Variants in ADAMTS16 observed in about 807,000 individuals in gnomAD.
ADAMTS16 encodes ADAM metallopeptidase with thrombospondin type 1 motif 16.
ADAMTS16 carries 94 observed loss-of-function variants against 145.8 expected under a neutral mutation model. The observed-to-expected ratio is 0.64, with a 90% CI of 0.55 to 0.77. The LOEUF is 0.77. Ranked by LOEUF, ADAMTS16 falls within the 30% of genes least tolerant of loss-of-function variation. The pLI, the probability that ADAMTS16 is intolerant of heterozygous loss-of-function variation, is 0.00. For missense variants in ADAMTS16, 1,585 were observed against 1,591.5 expected (o/e 1.00, Z 0.07); for synonymous variants, 659 against 604.3 (o/e 1.09, Z -1.33).
At chr5:5,181,858 T>C (rs901402737) in intron 3 of ADAMTS16, among the ~76,000 whole-genome samples, 186 bp from the exon 4 acceptor site, 15 of 152,174 alleles carry the variant, frequency 9.9e-5, no homozygotes, top group Non-Finnish European at 1.9e-4. Context: ...GCTCAGACTG[T>C]GTGTGGAGGC....
chr5:5,205,858 G>T (rs1038910573), intron 9 of ADAMTS16, among the ~76,000 whole-genome samples: 2 of 152,022 alleles, frequency 1.3e-5, no homozygotes, highest in Non-Finnish European at 2.9e-5. Flanking sequence ...CCCTTTATTG[G>T]CTATGTCTTT....
chr5:5,228,487 GAAGT>G (rs1302429956), intron 11 of ADAMTS16, among the ~76,000 whole-genome samples: 2 of 152,180 alleles, frequency 1.3e-5, no homozygotes, highest in African/African-American at 4.8e-5. Flanking sequence ...AAGAACTAAT[GAAGT>G]ATTTTTTCTT....
rs1395533455 is a variant in ADAMTS16 at position 5,314,139 on chromosome 5, A to T, written c.3412-3995A>T. ...ATCCCATCCTGAAATGAGCATGGAC[A>T]TTTGGTCCTGGAATAGTGGAAAGTT... On this transcript the variant is annotated intron_variant, in intron 21 of 22. Transcript: ENST00000274181. Among the ~76,000 whole-genome samples, 4 of 152,154 alleles carry T rather than the reference A, an allele frequency of 2.6e-5. No homozygotes were observed. In the East Asian group the frequency reaches 5.8e-4, roughly 22 times the overall value.
chr5:5,261,607 C>G (rs1738032110), intron 17 of ADAMTS16, among the ~76,000 whole-genome samples: 1 of 151,740 alleles, frequency 6.6e-6, no homozygotes, highest in Admixed American at 6.6e-5. Context: ...CTGCCTCAGC[C>G]TCCTGATAGC....
rs1560979050 is a variant in ADAMTS16, at chr5:5,269,289, T to A, written c.2789+6506T>A. ...TCACCCTCGCTCCCCTATACTACCC[T>A]GGTCACCTCAGCCTGGATACCCCCA... On this transcript the variant is annotated intron_variant, in intron 18 of 22. Transcript: ENST00000274181. This position sits in a 1 kb window ranked among gnomAD's most constrained non-coding sequence, Gnocchi z 4.3. Among the ~76,000 whole-genome samples the A allele has an allele frequency of 6.6e-6, 1 of 151,948 alleles. No individual in the cohort carries two copies. The highest frequency in any genetic ancestry group is 1.5e-5 in the Non-Finnish European group (1 of 67,988).
chr5:5,244,004 TA>T (rs1416570388), intron 17 of ADAMTS16, among the ~76,000 whole-genome samples: 26 of 152,244 alleles, frequency 1.7e-4, no homozygotes, highest in African/African-American at 6.3e-4. Flanking sequence ...TGTTTGTTTT[TA>T]ATTTCAGTGG....
At position 5,234,898 on chromosome 5, in the gene ADAMTS16, T is replaced by C. The variant is rs538076194; in HGVS notation, c.1851-116T>C. ...AAAAAAAAAAAAAAAAGAATCCACT[T>C]TTTTCCTAATTACCCATTCTAACAC... On this transcript the variant is annotated intron_variant, in intron 12 of 22. Transcript: ENST00000274181. The C allele has an allele frequency of 8.1e-5, 55 of 681,960 alleles. 1 individual carries two copies. The South Asian group carries it at 2.4e-3, about 29-fold the overall frequency. The allele number at this position is 681,960 out of a possible 1,614,324, so 42.2% of individuals were successfully genotyped here.
rs78911028 is a variant in ADAMTS16, at chr5:5,307,968, C to A, written c.3411+1240C>A. On this transcript the variant is annotated intron_variant, in intron 21 of 22. Transcript: ENST00000274181. ...CAGCAGAACAAAGACCCGGTCGAAG[C>A]CTATTGTCATGGGGGCTGAATGCTG... 3.9e-5 allele frequency among the ~76,000 whole-genome samples: 6 copies of A among 152,332 alleles called. 1 individual carries two copies. In the East Asian group the frequency reaches 1.2e-3, roughly 29 times the overall value.
chr5:5,172,337 G>C (rs1359603308), intron 3 of ADAMTS16, among the ~76,000 whole-genome samples: 1 of 151,714 alleles, frequency 6.6e-6, no homozygotes. Flanking sequence ...GCACCATTAG[G>C]TTGTTTATTA....
rs928389329 is a variant in ADAMTS16, at chr5:5,317,920, C to T, written c.3412-214C>T. 3.3e-5 allele frequency among the ~76,000 whole-genome samples: 5 copies of T among 152,234 alleles called. No individual in the cohort carries two copies. The highest frequency in any genetic ancestry group is 7.2e-5 in the African/African-American group (3 of 41,468). ...ATGCTCTGCTAGAGGCCTGGCCCAG[C>T]ACATGCCTGGTGCTTGCTTCTGGAA... is the stretch of plus-strand genomic sequence containing the variant. On this transcript the variant is annotated intron_variant, in intron 21 of 22. Transcript: ENST00000274181. The surrounding 1 kb of genome is among the most constrained non-coding windows in gnomAD (Gnocchi z 4.5).
chr5:5,240,148 G>A (rs887956021), intron 16 of ADAMTS16, among the ~76,000 whole-genome samples: 1 of 152,192 alleles, frequency 6.6e-6, no homozygotes, highest in Non-Finnish European at 1.5e-5. Context: ...CCCATTTGGG[G>A]GTTTTAGCAG....
At chr5:5,173,154 GT>G (rs141650668) in intron 3 of ADAMTS16, among the ~76,000 whole-genome samples, 1,642 of 146,900 alleles carry the variant, frequency 0.011, 35 homozygotes, top group African/African-American at 0.039. Context: ...GAAATTACTT[GT>G]AGGCAACAGA....
At chr5:5,167,344 G>A (rs1272960572) in intron 3 of ADAMTS16, among the ~76,000 whole-genome samples, 1 of 152,160 alleles carries the variant, frequency 6.6e-6, no homozygotes, top group African/African-American at 2.4e-5. Context: ...TCCACGGTAT[G>A]GAATGAGATT....
At chr5:5,143,433 C>A (rs766918895) in intron 2 of ADAMTS16, among the ~76,000 whole-genome samples, 4 of 152,092 alleles carry the variant, frequency 2.6e-5, no homozygotes, top group African/African-American at 9.7e-5. Context: ...AACGAGATAC[C>A]ATCTCACGCC....
intron 10 of ADAMTS16, among the ~76,000 whole-genome samples, chr5:5,215,164 A>G (rs1172303031): frequency 6.6e-6 from 1 of 152,216 alleles, no homozygotes; most frequent in East Asian, 1.9e-4. Context: ...ATGTGAATGT[A>G]TATTTGATGT....
intron 11 of ADAMTS16, among the ~76,000 whole-genome samples, chr5:5,227,308 G>A (rs1189681476): frequency 2.6e-5 from 4 of 152,190 alleles, no homozygotes; most frequent in African/African-American, 4.8e-5. Context: ...ACTGTGTTGC[G>A]GCATCTTACT....
chr5:5,169,286 T>C (rs1048812277), intron 3 of ADAMTS16, among the ~76,000 whole-genome samples: 8 of 152,224 alleles, frequency 5.3e-5, no homozygotes, highest in Admixed American at 6.5e-5. Context: ...TACTAGCCTT[T>C]GGAAAACATT....
chr5:5,208,035 T>C (rs1736175984), intron 9 of ADAMTS16, among the ~76,000 whole-genome samples: 1 of 152,220 alleles, frequency 6.6e-6, no homozygotes, highest in Non-Finnish European at 1.5e-5. Context: ...GCTGACCTCA[T>C]CTTAAAATTT....
chr5:5,234,656 G>T (rs1737040475), intron 12 of ADAMTS16, among the ~76,000 whole-genome samples: 2 of 152,040 alleles, frequency 1.3e-5, no homozygotes, highest in African/African-American at 4.8e-5. Context: ...CGGACAACAG[G>T]GTCAAGAGAT....
Sources: gnomAD v4.1 joint callset for allele counts (sites outside exome capture counted in the v4.1 genomes callset) on GRCh38, gnomAD v4.1.1 for gene constraint, Gnocchi (gnomAD v3.1) non-coding constraint, MANE v1.5 for transcripts, NCBI Gene and HGNC (gene_info 2026-07-23, HGNC 2026-07-21) for gene names.